MAP3K12: variants seen among roughly 807,000 people sequenced by gnomAD.
The protein encoded by MAP3K12 is mitogen-activated protein kinase kinase kinase 12.
Under a neutral mutation model 87.5 loss-of-function variants are expected in MAP3K12, and 14 were observed. That is an observed-to-expected ratio of 0.16 (90% CI 0.11 to 0.25). The LOEUF (loss-of-function observed/expected upper bound fraction) is 0.25. Ranked by LOEUF, MAP3K12 falls within the 10% of genes least tolerant of loss-of-function variation. The pLI is 1.00. For synonymous variants in MAP3K12, 469 were observed against 452.5 expected (o/e 1.04, Z -0.46); for missense variants, 802 against 1,140.4 (o/e 0.70, Z 4.27).
chr12:53,491,948 GC>G (rs1188765355), intron 1 of MAP3K12, among the ~76,000 whole-genome samples: 1 of 151,608 alleles, frequency 6.6e-6, no homozygotes, highest in African/African-American at 2.4e-5. Flanking sequence ...GGTGGCGCAT[GC>G]CTGTGGTCCC....
chr12:53,501,502 G>A (rs1943702711), upstream of MAP3K12: 2 of 1,552,834 alleles, frequency 1.3e-6, no homozygotes, highest in African/African-American at 1.4e-5. Context: ...CGAAAAGCGT[G>A]GGGCCGTGCG....
intron 1 of MAP3K12, among the ~76,000 whole-genome samples, chr12:53,496,307 C>T (rs1272162373): frequency 2.0e-5 from 3 of 152,196 alleles, no homozygotes; most frequent in Non-Finnish European, 2.9e-5. Flanking sequence ...CTCTGTAAAT[C>T]CTGCCATTCT....
Position 53,483,686 on chromosome 12 carries a change from G to A in MAP3K12, c.1396C>T (p.Leu466=). The change falls in exon 9 of 14, where the codon CTG becomes TTG. Residue 466 remains leucine (L), a synonymous_variant. Coordinates refer to ENST00000547488, the MANE Select transcript of MAP3K12 (RefSeq NM_001193511.2). ...LDIREHYERK[L]ERANNLYMEL... is the part of the protein sequence containing the mutation. ...ATATACAGGTTGTTGGCTCTCTCCA[G>A]CTTCCTTTCATAGTGCTCCCTGATG... 6.2e-7 allele frequency: 1 copy of A among 1,613,952 alleles called. No individual in the cohort carries two copies. The highest frequency in any genetic ancestry group is 8.5e-7 in the Non-Finnish European group (1 of 1,180,022).
chr12:53,490,978 T>A (rs1943382563), intron 1 of MAP3K12, among the ~76,000 whole-genome samples: 1 of 151,782 alleles, frequency 6.6e-6, no homozygotes, highest in South Asian at 2.1e-4. Context: ...GGACACCCAA[T>A]GATAATGGCT....
intron 1 of MAP3K12, among the ~76,000 whole-genome samples, chr12:53,496,357 C>A (rs1943547978): frequency 6.6e-6 from 1 of 152,164 alleles, no homozygotes; most frequent in Admixed American, 6.5e-5. Flanking sequence ...ATTTTCTGCA[C>A]CCCATCCTCA....
At chr12:53,485,958 C>T (rs1943217551) in intron 4 of MAP3K12, 98 bp downstream of exon 4, 1 of 1,171,828 alleles carries the variant, frequency 8.5e-7, no homozygotes, top group African/African-American at 1.5e-5. Context: ...GAGATGGCCA[C>T]ATGGACCTAG....
Position 53,482,832 on chromosome 12 carries a change from C to T in MAP3K12, c.1971G>A (p.Gly657=), listed in dbSNP as rs758611981. ...CAGGATCCCCAGCTCCGCCTGTGGC[C>T]CCCCGGCCCCGGGACCCTAGTGCTG... ...LSAALGSRGR[G]ATGGAGDPGS... is the part of the protein sequence containing the mutation. Residue 657 remains glycine, a synonymous_variant, in exon 11 of 14, where the codon GGG becomes GGA. Transcript: ENST00000547488. The T allele has an allele frequency of 7.4e-6, 12 of 1,610,970 alleles. No individual in the cohort carries two copies. Among genetic ancestry groups the T allele is most frequent in the Middle Eastern group, 3.3e-4 (2 of 6,050 alleles).
rs769636361 is a variant in MAP3K12 at position 53,486,585 on chromosome 12, C to T, written c.483G>A (p.Leu161=). 6.2e-7 allele frequency: 1 copy of T among 1,612,226 alleles called. No homozygotes were observed. The highest frequency in any genetic ancestry group is 1.1e-5 in the South Asian group (1 of 90,812). Reference sequence around the variant, plus strand: ...CCTGGGCCCCTGAGCCCACCCACTGCAGGTCCAGGATTTCCTCAAAGGGGA... The same window carrying T: ...CCTGGGCCCCTGAGCCCACCCACTGTAGGTCCAGGATTTCCTCAAAGGGGA... ...WEVPFEEILD[L]QWVGSGAQGA... Residue 161 remains leucine, a synonymous_variant, in exon 3 of 14, where the codon CTG becomes CTA. Transcript: ENST00000547488. The surrounding 1 kb of genome is among the most constrained non-coding windows in gnomAD (Gnocchi z 4.9).
chr12:53,501,421 G>C (rs1425088611), upstream of MAP3K12: 1 of 1,567,194 alleles, frequency 6.4e-7, no homozygotes, highest in South Asian at 1.2e-5. Flanking sequence ...GAGTGAAGAG[G>C]AGCAAGGCTC....
In MAP3K12 at chr12:53,484,025, G is replaced by A. The variant is rs1169161920; in HGVS notation, c.1249-5C>T. ...TACTTCTTCCCGCCACTCTGCCTATGGGTTGAGAGCAGATGAAGAGTGAGA... is the reference window on the plus strand; with the variant it reads ...TACTTCTTCCCGCCACTCTGCCTATAGGTTGAGAGCAGATGAAGAGTGAGA... On this transcript the variant is annotated splice_region_variant and splice_polypyrimidine_tract_variant and intron_variant, in intron 7 of 13. Transcript: ENST00000547488. 9.9e-6 allele frequency: 16 copies of A among 1,613,320 alleles called. No individual in the cohort carries two copies. Among genetic ancestry groups the A allele is most frequent in the Non-Finnish European group, 1.4e-5 (16 of 1,179,294 alleles).
Position 53,489,110 on chromosome 12 carries a change from C to G in MAP3K12, c.-37-1682G>C, listed in dbSNP as rs931594949. Among the ~76,000 whole-genome samples the G allele has an allele frequency of 2.7e-5, 4 of 150,054 alleles. No homozygotes were observed. The East Asian group carries it at 7.8e-4, about 29-fold the overall frequency. On this transcript the variant is annotated intron_variant, in intron 1 of 13. Coordinates refer to ENST00000547488, the MANE Select transcript of MAP3K12 (RefSeq NM_001193511.2). ...AAAAAAAAAAAAAAAAAGTTTGAGA[C>G]CAGCCTGGGCAACATGGCAAAACCC...
chr12:53,497,397 A>C (rs954463958), intron 1 of MAP3K12, among the ~76,000 whole-genome samples: 16 of 152,338 alleles, frequency 1.1e-4, no homozygotes, highest in African/African-American at 3.6e-4. Flanking sequence ...AGGGAAAAAA[A>C]AGACCAAAGA....
In MAP3K12 at chr12:53,498,607, T is replaced by G. The variant is rs143687751; in HGVS notation, c.-38+820A>C. 2.6e-5 allele frequency among the ~76,000 whole-genome samples: 4 copies of G among 152,186 alleles called. No homozygotes were observed. The East Asian group carries it at 7.7e-4, about 29-fold the overall frequency. On this transcript the variant is annotated intron_variant, in intron 1 of 13. Transcript: ENST00000547488. ...TTGGTTACCAGCAAGTCTCAACTCT[T>G]GTTTATTTTTAAGCCAATGAGTTTG...
At chr12:53,501,203 C>G, upstream of MAP3K12, 1 of 594,788 alleles carries the variant, frequency 1.7e-6, no homozygotes, top group South Asian at 2.1e-5. Flanking sequence ...GCGAGCCACG[C>G]ACGCAGAGGG....
intron 1 of MAP3K12, among the ~76,000 whole-genome samples, chr12:53,489,115 C>G (rs1050676284): frequency 2.0e-5 from 3 of 151,356 alleles, no homozygotes; most frequent in African/African-American, 7.3e-5. Context: ...TGAGACCAGC[C>G]TGGGCAACAT....
chr12:53,483,083 G>A lies in MAP3K12; in HGVS notation c.1720C>T (p.Arg574Cys), dbSNP rs1943121218. ...TTGCGGTGACGGGTCTTGCCACGGC[G>A]ACTCCGTCCTGGTGAGGGGGGGCCC... ...PKGPPSPGRSRRGKTRHRKAS... is the reference protein window; with the variant it reads ...PKGPPSPGRSCRGKTRHRKAS... Residue 574 changes from arginine to cysteine, a missense_variant, in exon 11 of 14, where the codon CGC becomes TGC. By Grantham distance (180) the Arg-to-Cys change is radical. This residue lies in a region of MAP3K12 where 490 missense variants were observed against 496.6 expected (regional missense o/e 0.99). Coordinates refer to ENST00000547488, the MANE Select transcript of MAP3K12 (RefSeq NM_001193511.2). 2.6e-6 allele frequency: 4 copies of A among 1,535,124 alleles called. No homozygotes were observed. Among genetic ancestry groups the A allele is most frequent in the Non-Finnish European group, 3.5e-6 (4 of 1,143,020 alleles).
intron 1 of MAP3K12, 187 bp from the exon 2 acceptor site, chr12:53,487,615 C>T: frequency 3.6e-6 from 2 of 560,174 alleles, no homozygotes; most frequent in Non-Finnish European, 6.2e-6. Context: ...ATCTGATACA[C>T]TTGGGCTTCC....
chr12:53,487,649 G>A, intron 1 of MAP3K12: 1 of 494,028 alleles, frequency 2.0e-6, no homozygotes, highest in South Asian at 3.0e-5. Context: ...AGTAAGGCAA[G>A]TAATAGGTAG....
chr12:53,494,331 TGGGTGAG>T (rs1437431915), intron 1 of MAP3K12, among the ~76,000 whole-genome samples: 2 of 152,162 alleles, frequency 1.3e-5, no homozygotes, highest in Non-Finnish European at 1.5e-5. Flanking sequence ...TGCCTCACAT[TGGGTGAG>T]GGGACAGAAT....
Sources: allele counts gnomAD v4.1 joint callset (sites outside exome capture counted in the v4.1 genomes callset), GRCh38; gene constraint gnomAD v4.1.1; regional missense constraint gnomAD v4.1.1; non-coding constraint Gnocchi (gnomAD v3.1); transcripts MANE v1.5; gene names NCBI Gene and HGNC (gene_info 2026-07-23, HGNC 2026-07-21).